The following SF1 variants were observed in gnomAD, a reference collection of about 807,000 sequenced individuals.
The protein encoded by SF1 is branch point-binding protein.
In SF1, 7 loss-of-function variants were observed where a neutral mutation model predicts 62.5. The observed-to-expected ratio is 0.11, with a 90% CI of 0.06 to 0.21. The LOEUF is 0.21. Among genes scored for constraint, SF1 ranks in the 10% least tolerant of loss-of-function variants. The pLI is 1.00. For synonymous variants in SF1, 394 were observed against 323.6 expected, an observed-to-expected ratio of 1.22 and a Z score of -2.33; for missense variants, 578 against 884.0, an observed-to-expected ratio of 0.65 and a Z score of 4.39.
At chr11:64,776,260 T>C in intron 2 of SF1, 1 of 451,960 alleles carries the variant, frequency 2.2e-6, no homozygotes, top group South Asian at 2.1e-5. Flanking sequence ...TTCTTACTCC[T>C]AAGTGAAACC....
intron 1 of SF1, chr11:64,777,977 C>A (rs910823941): frequency 2.0e-6 from 2 of 993,750 alleles, no homozygotes; most frequent in African/African-American, 3.5e-5. Flanking sequence ...GCTCTCTCGG[C>A]CCGACTCACC....
At position 64,778,462 on chromosome 11, in the gene SF1, G is replaced by C. The variant is rs968641476; in HGVS notation, c.-70C>G. On this transcript the variant is annotated 5_prime_UTR_variant, in exon 1 of 13. Transcript: ENST00000377390. Reference sequence around the variant, plus strand: ...CGGCTTCTCCTTCGCAAGCCTCCCGGGGGGAGGGGACCCGAATGCGCTGCC... The same window carrying C: ...CGGCTTCTCCTTCGCAAGCCTCCCGCGGGGAGGGGACCCGAATGCGCTGCC... 4.4e-5 allele frequency: 53 copies of C among 1,212,396 alleles called. No individual in the cohort carries two copies. Among genetic ancestry groups the C allele is most frequent in the African/African-American group, 6.3e-5 (4 of 63,346 alleles). 75.1% of individuals were successfully genotyped at this position (1,212,396 alleles called of 1,614,324 possible).
At chr11:64,776,027 T>C (rs1296435906) in intron 2 of SF1, 1 of 25,732 alleles carries the variant, frequency 3.9e-5, no homozygotes, top group African/African-American at 1.1e-4. Flanking sequence ...AGAACCACTT[T>C]TTGTCATTTT....
At chr11:64,773,256 T>G (rs1036257563) in intron 3 of SF1, 174 bp downstream of exon 3, 4 of 1,416,124 alleles carry the variant, frequency 2.8e-6, no homozygotes, top group Admixed American at 3.6e-5. Context: ...ATTCCAATTT[T>G]CTAACTGTTG....
rs141843051 is a variant in SF1, at chr11:64,772,622, GT to G, written c.236+807del. On this transcript the variant is annotated intron_variant, in intron 3 of 12. Coordinates refer to ENST00000377390, the MANE Select transcript of SF1 (RefSeq NM_004630.4). ...TCTGTATGTACTAAGAGAAAATTCA[GT>G]GAGAGGGAGAGACTTACTGCCCTTC... The G allele has an allele frequency of 3.0e-4, 300 of 985,204 alleles. 1 individual carries two copies. The East Asian group carries it at 0.025, about 83-fold the overall frequency. 61.0% of individuals were successfully genotyped at this position (985,204 alleles called of 1,614,324 possible). A position where few individuals can be genotyped will look rare whatever the true frequency, so the allele number is the denominator to read the frequency against.
chr11:64,766,071 C>T lies in SF1; in HGVS notation c.1667G>A (p.Gly556Glu). The T allele has an allele frequency of 6.2e-7, 1 of 1,612,000 alleles. No homozygotes were observed. The highest frequency in any genetic ancestry group is 8.5e-7 in the Non-Finnish European group (1 of 1,179,704). Reference sequence around the variant, plus strand: ...GGGGTTGCCTTGCATCTGAGGGGCTCCTGGAGAAGCTGCGGCAGCCGCCTG... The same window carrying T: ...GGGGTTGCCTTGCATCTGAGGGGCTTCTGGAGAAGCTGCGGCAGCCGCCTG... ...QQQAAAAASP[G>E]APQMQGNPTM... The change falls in exon 13 of 13, where the codon GGA becomes GAA. Residue 556 changes from glycine (G) to glutamate (E), a missense_variant. Physicochemically the swap from Gly to Glu is moderately conservative, Grantham distance 98 (BLOSUM62 -2). Transcript: ENST00000377390.
chr11:64,766,888 T>G lies in SF1; in HGVS notation c.1582+12A>C. 3.9e-6 allele frequency: 1 copy of G among 258,820 alleles called. No individual in the cohort carries two copies. The allele number at this position is 258,820 out of a possible 1,614,324, so 16.0% of individuals were successfully genotyped here. On this transcript the variant is annotated intron_variant, in intron 12 of 12. Transcript: ENST00000377390. ...CCCACCCACCCCCACAAGCCCAAAA[T>G]ATTCTACTCACTTTGCTGCCATGGC...
Position 64,768,226 on chromosome 11 carries a change from G to T in SF1, c.948C>A (p.Leu316=). The T allele has an allele frequency of 6.2e-7, 1 of 1,613,968 alleles. No homozygotes were observed. The highest frequency in any genetic ancestry group is 8.5e-7 in the Non-Finnish European group (1 of 1,179,932). Residue 316 remains leucine, a synonymous_variant, in exon 9 of 13, where the codon CTC becomes CTA. Transcript: ENST00000377390. ...CAGGTGCTTCACCCAGTTCAGCCAT[G>T]AGGGACAAATATTCTTTATCCATCC... ...KARMDKEYLS[L]MAELGEAPVP...
At chr11:64,776,226 G>A (rs1939220550) in intron 2 of SF1, 2 of 377,118 alleles carry the variant, frequency 5.3e-6, no homozygotes, top group Non-Finnish European at 4.9e-6. Flanking sequence ...CAGCTGAAAA[G>A]GGTGGCTGCT....
chr11:64,771,444 A>C, intron 3 of SF1: 5 of 985,140 alleles, frequency 5.1e-6, no homozygotes, highest in Non-Finnish European at 6.0e-6. Context: ...ACATACTGAA[A>C]GTAATCAAGA....
chr11:64,772,830 T>C, intron 3 of SF1: 3 of 984,870 alleles, frequency 3.0e-6, no homozygotes, highest in Non-Finnish European at 3.6e-6. Flanking sequence ...TTAGGGTTGG[T>C]TGCATGCCTT....
At chr11:64,770,958 T>A (rs1470845657) in intron 3 of SF1, among the ~76,000 whole-genome samples, 2 of 152,198 alleles carry the variant, frequency 1.3e-5, no homozygotes, top group African/African-American at 4.8e-5. Context: ...GAGAGATGGT[T>A]CGCTTCGTCT....
intron 8 of SF1, 50 bp from the exon 9 acceptor site, chr11:64,768,336 G>A: frequency 1.3e-6 from 2 of 1,564,716 alleles, no homozygotes; most frequent in Non-Finnish European, 1.7e-6. Context: ...AACTTGTTAA[G>A]AAGGAAGCTT....
At position 64,765,673 on chromosome 11, in the gene SF1, A is replaced by G; in HGVS notation, c.*145T>C. ...AAGCGAATCCTCAGTCGCTTGGCCC[A>G]GCCCAGTGCGTGCACACACACACAT... On this transcript the variant is annotated 3_prime_UTR_variant, in exon 13 of 13. Coordinates refer to ENST00000377390, the MANE Select transcript of SF1 (RefSeq NM_004630.4). 1 of 1,475,546 alleles carries G rather than the reference A, an allele frequency of 6.8e-7. No individual in the cohort carries two copies. The highest frequency in any genetic ancestry group is 8.9e-7 in the Non-Finnish European group (1 of 1,118,042). The allele number at this position is 1,475,546 out of a possible 1,614,324, so 91.4% of individuals were successfully genotyped here. A position where few individuals can be genotyped will look rare whatever the true frequency, so the allele number is the denominator to read the frequency against.
At chr11:64,775,879 C>G (rs892595567) in intron 2 of SF1, among the ~76,000 whole-genome samples, 4 of 152,212 alleles carry the variant, frequency 2.6e-5, no homozygotes, top group Non-Finnish European at 5.9e-5. Context: ...CCTTTCCCAG[C>G]AGAGTTCTTT....
intron 9 of SF1, 70 bp from the exon 10 acceptor site, chr11:64,767,914 T>C (rs1366689851): frequency 2.5e-6 from 4 of 1,571,378 alleles, no homozygotes; most frequent in African/African-American, 1.4e-5. Context: ...CTTCGGGTTA[T>C]GACACAGGAC....
At chr11:64,773,076 C>T in intron 3 of SF1, 1 of 1,132,076 alleles carries the variant, frequency 8.8e-7, no homozygotes. Flanking sequence ...GTGAGAAAAA[C>T]TCTATGCCCT....
rs1408136095 is a variant in SF1 at position 64,768,088 on chromosome 11, G to A, written c.1068+18C>T. 1.1e-5 allele frequency: 18 copies of A among 1,599,750 alleles called. No homozygotes were observed. Among genetic ancestry groups the A allele is most frequent in the Non-Finnish European group, 1.4e-5 (17 of 1,173,342 alleles). ...AGAATGGGGAAGCCAGACCAAGAGA[G>A]CCAGCCCCCAGGCTCACCGGTGGAG... On this transcript the variant is annotated intron_variant, in intron 9 of 12. Coordinates refer to ENST00000377390, the MANE Select transcript of SF1 (RefSeq NM_004630.4).
At position 64,765,743 on chromosome 11, in the gene SF1, A is replaced by C; in HGVS notation, c.*75T>G. 6.8e-7 allele frequency: 1 copy of C among 1,472,228 alleles called. No homozygotes were observed. The highest frequency in any genetic ancestry group is 9.0e-7 in the Non-Finnish European group (1 of 1,112,790). The allele number at this position is 1,472,228 out of a possible 1,614,324, so 91.2% of individuals were successfully genotyped here. On this transcript the variant is annotated 3_prime_UTR_variant, in exon 13 of 13. Coordinates refer to ENST00000377390, the MANE Select transcript of SF1 (RefSeq NM_004630.4). ...TGCGTGCGTCCCAATGTCTGGCTCCATATGGTGAGGTTCGGCGTGTTTAAA... is the reference window on the plus strand; with the variant it reads ...TGCGTGCGTCCCAATGTCTGGCTCCCTATGGTGAGGTTCGGCGTGTTTAAA...
Sources: allele counts gnomAD v4.1 joint callset (sites outside exome capture counted in the v4.1 genomes callset), GRCh38; gene constraint gnomAD v4.1.1; transcripts MANE v1.5; gene names NCBI Gene and HGNC (gene_info 2026-07-23, HGNC 2026-07-21).